The following ELMO1 variants were observed in gnomAD, a reference collection of about 807,000 sequenced individuals.
ELMO1 encodes engulfment and cell motility protein 1.
ELMO1 carries 26 observed loss-of-function variants against 98.9 expected under a neutral mutation model. That is an observed-to-expected ratio of 0.26 (90% CI 0.19 to 0.36). ELMO1 has a LOEUF of 0.36. ELMO1 is among the 10% of genes least tolerant of loss of function. ELMO1 has a pLI of 1.00. For synonymous variants in ELMO1, 346 were observed against 346.0 expected, an observed-to-expected ratio of 1.00 and a Z score of 0.00; for missense variants, 627 against 935.2, an observed-to-expected ratio of 0.67 and a Z score of 4.30.
At chr7:36,857,551 C>T (rs763060237) in intron 21 of ELMO1, among the ~76,000 whole-genome samples, 5 of 152,186 alleles carry the variant, frequency 3.3e-5, no homozygotes, top group Admixed American at 6.5e-5. Context: ...CCCACAGGAA[C>T]ACTTCTGCAG....
chr7:37,390,124 C>T (rs1186238382), intron 1 of ELMO1, among the ~76,000 whole-genome samples: 3 of 152,112 alleles, frequency 2.0e-5, no homozygotes, highest in Admixed American at 6.6e-5. Flanking sequence ...GCACCATGGA[C>T]GTAAAAATGC....
At chr7:37,164,736 TG>T (rs1405574059) in intron 13 of ELMO1, among the ~76,000 whole-genome samples, 2 of 149,960 alleles carry the variant, frequency 1.3e-5, no homozygotes, top group African/African-American at 4.9e-5. Flanking sequence ...TTTTGGTTAC[TG>T]TAGCCTTGTA....
intron 1 of ELMO1, among the ~76,000 whole-genome samples, chr7:37,376,619 T>C (rs1802358719): frequency 6.6e-6 from 1 of 152,010 alleles, no homozygotes; most frequent in Admixed American, 6.6e-5. Flanking sequence ...ATGAAGACAG[T>C]TTTCGACACT....
At chr7:36,990,942 T>A (rs1562881534) in intron 16 of ELMO1, among the ~76,000 whole-genome samples, 1 of 152,116 alleles carries the variant, frequency 6.6e-6, no homozygotes. Context: ...GGGATTCCAT[T>A]TACCGGGCAC....
chr7:37,448,507 C>G (rs1355534586), intron 1 of ELMO1, among the ~76,000 whole-genome samples, 168 bp downstream of exon 1: 2 of 151,954 alleles, frequency 1.3e-5, no homozygotes. Flanking sequence ...GCGGCGGCCA[C>G]CCCCGCCCGA....
chr7:37,405,935 T>C (rs1803739114), intron 1 of ELMO1, among the ~76,000 whole-genome samples: 1 of 152,208 alleles, frequency 6.6e-6, no homozygotes, highest in South Asian at 2.1e-4. Context: ...GAACCCATCC[T>C]AATATGGAAA....
chr7:37,251,999 T>C (rs1584873994), intron 6 of ELMO1, among the ~76,000 whole-genome samples: 1 of 151,950 alleles, frequency 6.6e-6, no homozygotes, highest in Non-Finnish European at 1.5e-5. Flanking sequence ...AAAGAGAATA[T>C]AATACCTAGG....
intron 16 of ELMO1, among the ~76,000 whole-genome samples, chr7:36,945,631 T>C (rs1787413355): frequency 6.6e-6 from 1 of 152,210 alleles, no homozygotes; most frequent in Non-Finnish European, 1.5e-5. Flanking sequence ...GCTCCCTGGA[T>C]GGGGTTAAAT....
chr7:37,023,003 C>G (rs1456123894), intron 15 of ELMO1, among the ~76,000 whole-genome samples: 3 of 152,168 alleles, frequency 2.0e-5, no homozygotes, highest in Non-Finnish European at 4.4e-5. Context: ...AACAGCCCCA[C>G]ATAAAAGAGA....
chr7:36,893,791 C>T (rs944679099), intron 17 of ELMO1, among the ~76,000 whole-genome samples: 1 of 152,086 alleles, frequency 6.6e-6, no homozygotes, highest in African/African-American at 2.4e-5. Context: ...CCTATCCTAG[C>T]CTTTGCATGG....
intron 16 of ELMO1, among the ~76,000 whole-genome samples, chr7:36,916,703 GT>G (rs1191927238): frequency 2.0e-5 from 3 of 152,186 alleles, no homozygotes; most frequent in Non-Finnish European, 4.4e-5. Flanking sequence ...CTTCCCTCTG[GT>G]TCCCCAGTTT....
At chr7:37,134,558 CA>C (rs370768267) in intron 13 of ELMO1, among the ~76,000 whole-genome samples, 221 of 89,224 alleles carry the variant, frequency 2.5e-3, no homozygotes, top group Admixed American at 3.8e-3. Context: ...GACTCCATCT[CA>C]AAAAAAAAAA....
chr7:36,855,591 T>C lies in ELMO1; in HGVS notation c.2144A>G (p.Lys715Arg). The change falls in exon 22 of 22, where the codon AAG becomes AGG. Residue 715 changes from lysine to arginine, a missense_variant. This residue lies in a region of ELMO1 where 492 missense variants were observed against 715.6 expected (regional missense o/e 0.69). Transcript: ENST00000310758. The surrounding 1 kb of genome is among the most constrained non-coding windows in gnomAD (Gnocchi z 4.2). ...QIPDAPPPIP[K>R]EPSNYDFVYD... The stretch of plus-strand genomic sequence containing the variant: ...GACGAAGTCATAGTTGCTGGGCTCC[T>C]TGGGAATCGGCGGAGGTGCGTCAGG... 1.2e-6 allele frequency: 2 copies of C among 1,614,162 alleles called. No homozygotes were observed. The highest frequency in any genetic ancestry group is 1.7e-6 in the Non-Finnish European group (2 of 1,179,992).
intron 13 of ELMO1, among the ~76,000 whole-genome samples, chr7:37,160,872 G>A (rs1789152220): frequency 6.6e-6 from 1 of 152,110 alleles, no homozygotes; most frequent in Admixed American, 6.6e-5. Flanking sequence ...AGACATAGGG[G>A]GCAGCACAGG....
At chr7:37,408,661 A>G (rs1167053742) in intron 1 of ELMO1, among the ~76,000 whole-genome samples, 1 of 152,204 alleles carries the variant, frequency 6.6e-6, no homozygotes, top group East Asian at 1.9e-4. Flanking sequence ...GCCGGCCACA[A>G]AAAGACCCAT....
intron 13 of ELMO1, among the ~76,000 whole-genome samples, chr7:37,200,713 C>G (rs1792240216): frequency 6.6e-6 from 1 of 152,136 alleles, no homozygotes; most frequent in Non-Finnish European, 1.5e-5. Flanking sequence ...CACCTGTAAT[C>G]CAAGCACCTT....
intron 1 of ELMO1, among the ~76,000 whole-genome samples, chr7:37,396,041 ACT>A (rs1022915197): frequency 1.3e-5 from 2 of 151,630 alleles, no homozygotes; most frequent in African/African-American, 4.9e-5. Flanking sequence ...TCATCATTGC[ACT>A]CCTTGGTGAG....
At chr7:37,316,721 G>A (rs1302372693) in intron 2 of ELMO1, among the ~76,000 whole-genome samples, 1 of 152,182 alleles carries the variant, frequency 6.6e-6, no homozygotes, top group Non-Finnish European at 1.5e-5. Context: ...AGGATGGGGA[G>A]TATCATGTCA....
intron 4 of ELMO1, among the ~76,000 whole-genome samples, chr7:37,286,890 A>G (rs1191499532): frequency 6.6e-5 from 10 of 152,184 alleles, no homozygotes; most frequent in Admixed American, 3.3e-4. Flanking sequence ...CAGTTATCCA[A>G]ATATTTTAAA....
Sources: allele counts gnomAD v4.1 joint callset (sites outside exome capture counted in the v4.1 genomes callset), GRCh38; gene constraint gnomAD v4.1.1; regional missense constraint gnomAD v4.1.1; non-coding constraint Gnocchi (gnomAD v3.1); transcripts MANE v1.5; gene names NCBI Gene and HGNC (gene_info 2026-07-23, HGNC 2026-07-21).